The following RBPMS variants were observed in gnomAD, a reference collection of about 807,000 sequenced individuals.
RBPMS encodes the protein RNA binding protein, mRNA processing factor.
Under a neutral mutation model 26.8 loss-of-function variants are expected in RBPMS, and 7 were observed. The ratio of observed to expected loss-of-function variants is 0.26; its 90% CI spans 0.15 to 0.49. The LOEUF (loss-of-function observed/expected upper bound fraction) is 0.49. Ranked by LOEUF, RBPMS falls within the 20% of genes least tolerant of loss-of-function variation. The probability of loss-of-function intolerance (pLI) is 0.98; values close to 1 mark genes in which losing one functional copy is unlikely to be tolerated. For synonymous variants in RBPMS, 96 were observed against 93.3 expected (o/e 1.03, Z -0.17); for missense variants, 186 against 250.0 (o/e 0.74, Z 1.73).
chr8:30,537,219 G>T (rs1824891649), intron 5 of RBPMS, among the ~76,000 whole-genome samples: 1 of 152,196 alleles, frequency 6.6e-6, no homozygotes. Flanking sequence ...ATCCTGGATT[G>T]CATCGCATGA....
chr8:30,425,203 C>T (rs1374079529), intron 1 of RBPMS, among the ~76,000 whole-genome samples: 2 of 151,818 alleles, frequency 1.3e-5, no homozygotes, highest in Non-Finnish European at 2.9e-5. Flanking sequence ...GTGATCCTCC[C>T]GCCTTGGCCT....
chr8:30,463,920 G>A (rs1276954430), intron 1 of RBPMS, among the ~76,000 whole-genome samples: 2 of 152,146 alleles, frequency 1.3e-5, no homozygotes, highest in African/African-American at 4.8e-5. Flanking sequence ...AGGTGGAGGT[G>A]GGTGGATCAC....
chr8:30,512,927 T>A (rs1462913556), intron 5 of RBPMS, among the ~76,000 whole-genome samples: 1 of 152,204 alleles, frequency 6.6e-6, no homozygotes, highest in Non-Finnish European at 1.5e-5. Context: ...CCCTGAAGTT[T>A]CTTCTTGATA....
intron 1 of RBPMS, among the ~76,000 whole-genome samples, chr8:30,431,789 C>G (rs1262326563): frequency 6.6e-6 from 1 of 151,604 alleles, no homozygotes; most frequent in Non-Finnish European, 1.5e-5. Context: ...TATATTTATT[C>G]CTGATTATAC....
intron 8 of RBPMS, among the ~76,000 whole-genome samples, chr8:30,567,845 C>T (rs995769466): frequency 2.0e-5 from 3 of 152,176 alleles, no homozygotes; most frequent in Admixed American, 6.5e-5. Context: ...GGAGCAGTGG[C>T]GTTCTCAGCA....
intron 7 of RBPMS, chr8:30,565,389 T>C (rs1039909881): frequency 6.6e-6 from 1 of 152,128 alleles, no homozygotes; most frequent in Admixed American, 6.5e-5. Context: ...CGCAGCAGTA[T>C]GTTATGCACT....
At chr8:30,528,035 C>T (rs1222438469) in intron 5 of RBPMS, among the ~76,000 whole-genome samples, 1 of 152,008 alleles carries the variant, frequency 6.6e-6, no homozygotes, top group Admixed American at 6.6e-5. Context: ...ATTAGCCGGG[C>T]GTGGTGGCGG....
chr8:30,532,768 G>C (rs988271428), intron 5 of RBPMS, among the ~76,000 whole-genome samples: 4 of 152,024 alleles, frequency 2.6e-5, no homozygotes, highest in Admixed American at 2.0e-4. Context: ...CCAGGTCTTC[G>C]GACACTTTTC....
At chr8:30,517,466 T>A (rs1822468640) in intron 5 of RBPMS, among the ~76,000 whole-genome samples, 1 of 152,138 alleles carries the variant, frequency 6.6e-6, no homozygotes, top group African/African-American at 2.4e-5. Context: ...AATTAGTGGC[T>A]GAAGGTGGAG....
intron 5 of RBPMS, among the ~76,000 whole-genome samples, chr8:30,514,323 C>T (rs1822054043): frequency 6.6e-6 from 1 of 152,142 alleles, no homozygotes; most frequent in Non-Finnish European, 1.5e-5. Flanking sequence ...TAAATGGCTG[C>T]TTCCTTTAAT....
intron 1 of RBPMS, among the ~76,000 whole-genome samples, chr8:30,433,178 C>A (rs1812123126): frequency 1.3e-5 from 2 of 152,274 alleles, no homozygotes; most frequent in Non-Finnish European, 2.9e-5. Flanking sequence ...CGTGAACTTT[C>A]AAAGAAAATA....
At chr8:30,478,731 C>T (rs1475194274) in intron 3 of RBPMS, among the ~76,000 whole-genome samples, 1 of 152,174 alleles carries the variant, frequency 6.6e-6, no homozygotes, top group Non-Finnish European at 1.5e-5. Flanking sequence ...ATCTCTTGAC[C>T]TCGTGATCCG....
chr8:30,508,179 C>T (rs531271482), intron 5 of RBPMS, among the ~76,000 whole-genome samples: 4 of 151,952 alleles, frequency 2.6e-5, no homozygotes, highest in Non-Finnish European at 2.9e-5. Context: ...GAGGAAGGGC[C>T]GTGTGAGGAC....
chr8:30,513,550 T>C (rs1221031725), intron 5 of RBPMS, among the ~76,000 whole-genome samples: 2 of 133,788 alleles, frequency 1.5e-5, no homozygotes, highest in Admixed American at 1.7e-4. Context: ...ATTTCACCAC[T>C]GCACTCCAGC....
chr8:30,523,221 A>T (rs1239029587), intron 5 of RBPMS, among the ~76,000 whole-genome samples: 5 of 152,030 alleles, frequency 3.3e-5, no homozygotes, highest in Admixed American at 6.6e-5. Flanking sequence ...TACTAAAAAT[A>T]CAAAAATTAG....
At chr8:30,431,355 T>TTCTCTTTCTTTCTTTCTTTCTC (rs1811908304) in intron 1 of RBPMS, among the ~76,000 whole-genome samples, 1 of 65,068 alleles carries the variant, frequency 1.5e-5, no homozygotes, top group Admixed American at 1.9e-4. Flanking sequence ...TTTTTTTTCT[T>TTCTCTTTCTTTCTTTCTTTCTC]TCTCTTTCTT....
At chr8:30,527,571 CTT>C (rs1456213646) in intron 5 of RBPMS, among the ~76,000 whole-genome samples, 1 of 152,288 alleles carries the variant, frequency 6.6e-6, no homozygotes, top group African/African-American at 2.4e-5. Context: ...ACAGCCCAGT[CTT>C]TTCATAATTT....
At chr8:30,476,671 G>A (rs1037119194) in intron 2 of RBPMS, among the ~76,000 whole-genome samples, 1 of 152,140 alleles carries the variant, frequency 6.6e-6, no homozygotes, top group African/African-American at 2.4e-5. Flanking sequence ...AAAGTCCCTG[G>A]AGGCTGACCC....
chr8:30,502,165 A>C (rs561338351), intron 4 of RBPMS, among the ~76,000 whole-genome samples: 27 of 127,752 alleles, frequency 2.1e-4, no homozygotes, highest in African/African-American at 7.9e-4. Context: ...TTAAATAAGG[A>C]TGCTGGAACT....
Sources: gnomAD v4.1 joint callset for allele counts (sites outside exome capture counted in the v4.1 genomes callset) on GRCh38, gnomAD v4.1.1 for gene constraint, MANE v1.5 for transcripts, NCBI Gene and HGNC (gene_info 2026-07-23, HGNC 2026-07-21) for gene names.